Variants in PTPN4 observed in about 807,000 individuals in gnomAD.
PTPN4 encodes protein tyrosine phosphatase non-receptor type 4.
Under a neutral mutation model 135.5 loss-of-function variants are expected in PTPN4, and 49 were observed. That is an observed-to-expected ratio of 0.36 (90% CI 0.29 to 0.46). The LOEUF is 0.46. PTPN4 is among the 20% of genes least tolerant of loss of function. The pLI is 1.00. For synonymous variants in PTPN4, 333 were observed against 369.9 expected, an observed-to-expected ratio of 0.90 and a Z score of 1.14; for missense variants, 860 against 1,101.0, an observed-to-expected ratio of 0.78 and a Z score of 3.10.
At chr2:119,854,848 T>G (rs1677649176) in intron 2 of PTPN4, among the ~76,000 whole-genome samples, 3 of 152,200 alleles carry the variant, frequency 2.0e-5, no homozygotes, top group African/African-American at 7.2e-5. Flanking sequence ...GATTTGATCT[T>G]TAAGTACCTG....
At chr2:119,818,708 A>T (rs1433233754) in intron 2 of PTPN4, among the ~76,000 whole-genome samples, 1 of 152,224 alleles carries the variant, frequency 6.6e-6, no homozygotes, top group East Asian at 1.9e-4. Context: ...AAGTCCCTCT[A>T]AATAATAGTG....
intron 1 of PTPN4, among the ~76,000 whole-genome samples, chr2:119,772,067 A>G (rs1260678768): frequency 6.6e-6 from 1 of 152,200 alleles, no homozygotes; most frequent in East Asian, 1.9e-4. Context: ...TCTTTTTTAG[A>G]TACTTGTTCA....
At chr2:119,822,365 T>C (rs376707296) in intron 2 of PTPN4, among the ~76,000 whole-genome samples, 786 of 29,850 alleles carry the variant, frequency 0.026, 2 homozygotes, top group East Asian at 0.043. Flanking sequence ...TCCCCCCCCC[T>C]TTTTTTTTTT....
At chr2:119,764,924 G>A (rs2104915721) in intron 1 of PTPN4, among the ~76,000 whole-genome samples, 1 of 152,262 alleles carries the variant, frequency 6.6e-6, no homozygotes, top group South Asian at 2.1e-4. Context: ...GGAATATAAT[G>A]GGAACATTGT....
intron 2 of PTPN4, among the ~76,000 whole-genome samples, chr2:119,823,986 A>G (rs1677108604): frequency 1.3e-5 from 2 of 152,262 alleles, no homozygotes; most frequent in South Asian, 4.1e-4. Context: ...TATCTTTTTG[A>G]TATGTTGTCT....
intron 18 of PTPN4, among the ~76,000 whole-genome samples, chr2:119,947,429 T>A (rs1247227203): frequency 1.3e-5 from 2 of 152,118 alleles, no homozygotes; most frequent in Non-Finnish European, 1.5e-5. Context: ...ACCTTGTTTT[T>A]TGCGAAAATA....
intron 2 of PTPN4, among the ~76,000 whole-genome samples, chr2:119,846,367 G>A (rs996401332): frequency 1.3e-5 from 2 of 152,124 alleles, no homozygotes; most frequent in African/African-American, 4.8e-5. Flanking sequence ...CTGATGGAAC[G>A]ACCTTTAGCG....
chr2:119,913,008 A>T (rs757870842), intron 10 of PTPN4, among the ~76,000 whole-genome samples: 33 of 151,960 alleles, frequency 2.2e-4, no homozygotes, highest in Non-Finnish European at 3.4e-4. Context: ...TTTGTGATTG[A>T]TTTTTTTCAT....
intron 22 of PTPN4, among the ~76,000 whole-genome samples, chr2:119,957,663 G>A (rs72952822): frequency 0.026 from 3,873 of 151,494 alleles, 170 homozygotes; most frequent in African/African-American, 0.088. Flanking sequence ...TCTTAACTCT[G>A]TAATTAGAAA....
At chr2:119,957,399 C>T (rs911027626) in intron 22 of PTPN4, among the ~76,000 whole-genome samples, 3 of 152,096 alleles carry the variant, frequency 2.0e-5, no homozygotes, top group South Asian at 2.1e-4. Context: ...GAGCCCCCAA[C>T]CCCTGGGCCA....
At chr2:119,956,805 G>A in intron 20 of PTPN4, 39 bp from the exon 21 acceptor site, 1 of 1,576,732 alleles carries the variant, frequency 6.3e-7, no homozygotes, top group Non-Finnish European at 8.5e-7. Flanking sequence ...AATTGTTTAT[G>A]GCTTTTGTTG....
At chr2:119,854,319 G>A (rs1677640359) in intron 2 of PTPN4, among the ~76,000 whole-genome samples, 1 of 152,114 alleles carries the variant, frequency 6.6e-6, no homozygotes, top group South Asian at 2.1e-4. Flanking sequence ...TGCTGGCCTG[G>A]CTTTTTAAGC....
At chr2:119,941,606 T>C (rs565387135) in intron 15 of PTPN4, among the ~76,000 whole-genome samples, 7 of 152,282 alleles carry the variant, frequency 4.6e-5, no homozygotes, top group African/African-American at 1.4e-4. Flanking sequence ...TGTCTGCCAC[T>C]CTCTGAAAAG....
intron 9 of PTPN4, among the ~76,000 whole-genome samples, chr2:119,897,404 A>G (rs1678340654): frequency 6.6e-6 from 1 of 152,152 alleles, no homozygotes; most frequent in African/African-American, 2.4e-5. Context: ...GCTTATTCCT[A>G]CTGGGTTGGT....
At chr2:119,793,684 T>A (rs1000862495) in intron 1 of PTPN4, among the ~76,000 whole-genome samples, 2 of 152,142 alleles carry the variant, frequency 1.3e-5, no homozygotes, top group Non-Finnish European at 2.9e-5. Context: ...GGGGAACTAA[T>A]AAATGTCCAT....
At chr2:119,908,067 G>A (rs1574399235) in intron 10 of PTPN4, among the ~76,000 whole-genome samples, 1 of 152,102 alleles carries the variant, frequency 6.6e-6, no homozygotes, top group African/African-American at 2.4e-5. Flanking sequence ...GTCTTTAAAA[G>A]TACAGGCAAC....
chr2:119,965,568 G>A lies in PTPN4; in HGVS notation c.2481G>A (p.Ser827=), dbSNP rs746299442. 17 of 1,613,596 alleles carry A rather than the reference G, an allele frequency of 1.1e-5. No individual in the cohort carries two copies. The highest frequency in any genetic ancestry group is 1.4e-5 in the Non-Finnish European group (16 of 1,179,672). The change falls in exon 25 of 27, where the codon TCG becomes TCA. Residue 827 remains serine (S), a synonymous_variant. Transcript: ENST00000263708. ...AWPDHGVPDD[S]SDFLDFVCHV... is the part of the protein sequence containing the mutation. ...CTGACCATGGAGTCCCTGATGATTC[G>A]AGTGACTTTCTAGATTTTGTTTGTC...
At chr2:119,851,761 G>A (rs1407078677) in intron 2 of PTPN4, among the ~76,000 whole-genome samples, 2 of 152,054 alleles carry the variant, frequency 1.3e-5, no homozygotes, top group Admixed American at 1.3e-4. Flanking sequence ...ACTTTATAAT[G>A]TTAACAGCTG....
chr2:119,921,153 G>C (rs941366874), intron 12 of PTPN4, among the ~76,000 whole-genome samples: 1 of 152,060 alleles, frequency 6.6e-6, no homozygotes, highest in Non-Finnish European at 1.5e-5. Flanking sequence ...TGGCTGTGGT[G>C]GTGGGCGCTT....
Sources: gnomAD v4.1 joint callset for allele counts (sites outside exome capture counted in the v4.1 genomes callset) on GRCh38, gnomAD v4.1.1 for gene constraint, MANE v1.5 for transcripts, NCBI Gene and HGNC (gene_info 2026-07-23, HGNC 2026-07-21) for gene names.